The following AGMAT variants were observed in gnomAD, a reference collection of about 807,000 sequenced individuals.
AGMAT encodes the protein agmatinase (putative), also known as guanidino acid hydrolase, mitochondrial.
A neutral mutation model predicts 29.3 loss-of-function variants in AGMAT; 37 were observed. The ratio of observed to expected loss-of-function variants is 1.26; its 90% CI spans 0.97 to 1.66. The LOEUF (loss-of-function observed/expected upper bound fraction) is 1.66, where lower values mean the gene tolerates loss of function less well. Ranked by LOEUF, AGMAT falls within the 40% of genes most tolerant of loss-of-function variation. AGMAT has a pLI of 0.00. For synonymous variants in AGMAT, 199 were observed against 200.8 expected (o/e 0.99, Z 0.08); for missense variants, 498 against 497.8 (o/e 1.00, Z 0.00).
Position 15,583,185 on chromosome 1 carries a change from G to A in AGMAT, c.475+8C>T, listed in dbSNP as rs1639140003. 1.2e-6 allele frequency: 2 copies of A among 1,613,742 alleles called. No homozygotes were observed. The highest frequency in any genetic ancestry group is 1.7e-6 in the Non-Finnish European group (2 of 1,179,928). ...GGAACTACTCTGGCTCTTGCAGACT[G>A]ACATTACCCAAGGTCAGAGGAATAC... On this transcript the variant is annotated splice_region_variant and intron_variant, in intron 2 of 6. Coordinates refer to ENST00000375826, the MANE Select transcript of AGMAT (RefSeq NM_024758.5).
intron 6 of AGMAT, 51 bp downstream of exon 6, chr1:15,574,706 G>A: frequency 6.7e-7 from 1 of 1,497,928 alleles, no homozygotes; most frequent in East Asian, 2.3e-5. Context: ...CTAGCTTCGT[G>A]TAATTTAAGC....
chr1:15,575,728 CTTTT>C (rs1443772931), intron 5 of AGMAT: 3 of 133,302 alleles, frequency 2.3e-5, no homozygotes, highest in African/African-American at 5.2e-5. Flanking sequence ...ATCACATGCA[CTTTT>C]ATTTATTTAT....
chr1:15,574,519 C>G (rs1433037408), intron 6 of AGMAT, among the ~76,000 whole-genome samples: 2 of 151,900 alleles, frequency 1.3e-5, no homozygotes, highest in Non-Finnish European at 2.9e-5. Context: ...CCTGGGATTA[C>G]AGGTGTGTGC....
intron 1 of AGMAT, among the ~76,000 whole-genome samples, chr1:15,584,299 T>G (rs966027811): frequency 1.5e-5 from 2 of 135,796 alleles, no homozygotes; most frequent in African/African-American, 6.0e-5. Context: ...CGCGCCACCA[T>G]GCCCGGCTTT....
rs1638989407 is a variant in AGMAT, at chr1:15,573,493, A to G, written c.*158T>C. 1 of 595,620 alleles carries G rather than the reference A, an allele frequency of 1.7e-6. No individual in the cohort carries two copies. Among genetic ancestry groups the G allele is most frequent in the Admixed American group, 3.0e-5 (1 of 33,738 alleles). 36.9% of individuals were successfully genotyped at this position (595,620 alleles called of 1,614,324 possible). On this transcript the variant is annotated 3_prime_UTR_variant, in exon 7 of 7. Coordinates refer to ENST00000375826, the MANE Select transcript of AGMAT (RefSeq NM_024758.5). Reference sequence around the variant, plus strand: ...CCTTAGAAATGTTGCTGTTTGGGTGAGAATTCTACTGATTATCCCGACTTC... The same window carrying G: ...CCTTAGAAATGTTGCTGTTTGGGTGGGAATTCTACTGATTATCCCGACTTC...
chr1:15,579,511 G>C (rs1277069770), intron 3 of AGMAT, among the ~76,000 whole-genome samples: 1 of 152,152 alleles, frequency 6.6e-6, no homozygotes, highest in East Asian at 1.9e-4. Flanking sequence ...TTTGAGCAAA[G>C]ACCTGCACCC....
chr1:15,573,848 C>A (rs576036990), intron 6 of AGMAT, 124 bp from the exon 7 acceptor site: 16 of 748,502 alleles, frequency 2.1e-5, no homozygotes, highest in Non-Finnish European at 3.3e-5. Context: ...GTGCACCCCT[C>A]TAGGGTGCCC....
rs998591014 is a variant in AGMAT at position 15,574,173 on chromosome 1, C to T, written c.986-449G>A. Among the ~76,000 whole-genome samples the T allele has an allele frequency of 5.9e-5, 9 of 151,998 alleles. No individual in the cohort carries two copies. The South Asian group carries it at 8.3e-4, about 14-fold the overall frequency. Reference sequence around the variant, plus strand: ...CTTTGCAATGAAACATCAAAGGAGACGGGGATTGGGCCACCCTGTCACTAG... The same window carrying T: ...CTTTGCAATGAAACATCAAAGGAGATGGGGATTGGGCCACCCTGTCACTAG... On this transcript the variant is annotated intron_variant, in intron 6 of 6. Coordinates refer to ENST00000375826, the MANE Select transcript of AGMAT (RefSeq NM_024758.5).
chr1:15,580,804 C>T (rs913683971), intron 2 of AGMAT, among the ~76,000 whole-genome samples: 1 of 151,768 alleles, frequency 6.6e-6, no homozygotes, highest in Non-Finnish European at 1.5e-5. Context: ...GGAGAAACCC[C>T]GTCTCTACTG....
chr1:15,576,740 C>CTTTTTTGTTTTTTTTTTTTTTTTT (rs1639044248), intron 5 of AGMAT, among the ~76,000 whole-genome samples: 2 of 35,796 alleles, frequency 5.6e-5, no homozygotes, highest in Non-Finnish European at 1.0e-4. Context: ...GTTTAGTGTT[C>CTTTTTTGTTTTTTTTTTTTTTTTT]TTTTTTTTTT....
Position 15,573,405 on chromosome 1 carries a change from C to G in AGMAT, c.*246G>C, listed in dbSNP as rs1638987356. On this transcript the variant is annotated 3_prime_UTR_variant, in exon 7 of 7. Coordinates refer to ENST00000375826, the MANE Select transcript of AGMAT (RefSeq NM_024758.5). ...TTCCCCTTTATCCTCCATCTTTCATCAAAGGAAAAAAAATCAAAGCAGTAC... is the reference window on the plus strand; with the variant it reads ...TTCCCCTTTATCCTCCATCTTTCATGAAAGGAAAAAAAATCAAAGCAGTAC... 7.2e-6 allele frequency: 3 copies of G among 416,276 alleles called. No homozygotes were observed. The highest frequency in any genetic ancestry group is 1.3e-5 in the Non-Finnish European group (3 of 228,204). The allele number at this position is 416,276 out of a possible 1,614,324, so 25.8% of individuals were successfully genotyped here. A position where few individuals can be genotyped will look rare whatever the true frequency, so the allele number is the denominator to read the frequency against.
At chr1:15,575,789 G>C (rs1639030220) in intron 5 of AGMAT, 2 of 151,722 alleles carry the variant, frequency 1.3e-5, no homozygotes, top group Admixed American at 6.6e-5. Context: ...CAGGGTCTCT[G>C]TCACCCGGGC....
In AGMAT at chr1:15,573,448, TCCCCCA is replaced by T; in HGVS notation, c.*197_*202del. On this transcript the variant is annotated 3_prime_UTR_variant, in exon 7 of 7. Coordinates refer to ENST00000375826, the MANE Select transcript of AGMAT (RefSeq NM_024758.5). ...AGCAGTACAAGTACTCCTTTTTTTT[TCCCCCA>T]ATTAATCCAAGTTCCTTAGAAATGT... 1.9e-6 allele frequency: 1 copy of T among 528,430 alleles called. No individual in the cohort carries two copies. The highest frequency in any genetic ancestry group is 3.5e-6 in the Non-Finnish European group (1 of 288,940). The allele number at this position is 528,430 out of a possible 1,614,324, so 32.7% of individuals were successfully genotyped here.
At position 15,581,387 on chromosome 1, in the gene AGMAT, G is replaced by A. The variant is rs75196108; in HGVS notation, c.476-1245C>T. 8.6e-3 allele frequency among the ~76,000 whole-genome samples: 1,310 copies of A among 152,148 alleles called. 20 individuals carry two copies. Among genetic ancestry groups the A allele is most frequent in the African/African-American group, 0.029 (1,195 of 41,502 alleles). ...TAAAAGAGGAAATTAGACAAGTTAAGAGCTACTCTAGGAATTGCCTTTTCA... is the reference window on the plus strand; with the variant it reads ...TAAAAGAGGAAATTAGACAAGTTAAAAGCTACTCTAGGAATTGCCTTTTCA... On this transcript the variant is annotated intron_variant, in intron 2 of 6. Transcript: ENST00000375826.
At chr1:15,577,906 C>A (rs376310499) in intron 4 of AGMAT, 42 bp from the exon 5 acceptor site, 12 of 1,592,234 alleles carry the variant, frequency 7.5e-6, no homozygotes, top group African/African-American at 1.3e-5. Flanking sequence ...GCAGCATTTA[C>A]AGGGCATTTC....
intron 2 of AGMAT, among the ~76,000 whole-genome samples, chr1:15,582,129 C>T (rs1182422389): frequency 1.3e-5 from 2 of 150,104 alleles, no homozygotes; most frequent in Non-Finnish European, 2.9e-5. Flanking sequence ...ATTAGCCGGG[C>T]ATGCTGGCGG....
In AGMAT at chr1:15,574,830, G is replaced by T; in HGVS notation, c.912C>A (p.Ile304=). ...AGLTPSQALE[I]IRGCQGLNVM... ...CGTTCAGGCCTTGACAACCCCTGATGATCTCCAGAGCCTATTCAAGATCAA... is the reference window on the plus strand; with the variant it reads ...CGTTCAGGCCTTGACAACCCCTGATTATCTCCAGAGCCTATTCAAGATCAA... The change falls in exon 6 of 7, where the codon ATC becomes ATA. Residue 304 remains isoleucine, a synonymous_variant. Transcript: ENST00000375826. The T allele has an allele frequency of 6.2e-7, 1 of 1,613,692 alleles. No individual in the cohort carries two copies. Among genetic ancestry groups the T allele is most frequent in the South Asian group, 1.1e-5 (1 of 91,056 alleles).
chr1:15,571,705 AAG>A lies in AGMAT; in HGVS notation c.*1944_*1945del, dbSNP rs1638951517. 1 of 152,588 alleles carries A rather than the reference AAG, an allele frequency of 6.6e-6. No homozygotes were observed. 9.5% of individuals were successfully genotyped at this position (152,588 alleles called of 1,614,324 possible). ...TTATTTTAAGATTACAGAATGGAAA[AAG>A]AAATAAACTATTTTAATGTCTGATA... On this transcript the variant is annotated 3_prime_UTR_variant, in exon 7 of 7. Transcript: ENST00000375826.
intron 2 of AGMAT, among the ~76,000 whole-genome samples, chr1:15,582,101 T>A (rs1271332723): frequency 6.6e-6 from 1 of 151,438 alleles, no homozygotes; most frequent in East Asian, 2.0e-4. Flanking sequence ...AAACCCCGTC[T>A]CTACTAAAAA....
Sources: gnomAD v4.1 joint callset for allele counts (sites outside exome capture counted in the v4.1 genomes callset) on GRCh38, gnomAD v4.1.1 for gene constraint, MANE v1.5 for transcripts, NCBI Gene and HGNC (gene_info 2026-07-23, HGNC 2026-07-21) for gene names.